Variants in CAMK2B observed in about 807,000 individuals in gnomAD.
CAMK2B encodes the protein calcium/calmodulin-dependent protein kinase type II subunit beta.
Under a neutral mutation model 93.7 loss-of-function variants are expected in CAMK2B, and 27 were observed. The observed-to-expected ratio is 0.29, with a 90% CI of 0.21 to 0.40. CAMK2B has a LOEUF of 0.40. CAMK2B is among the 10% of genes least tolerant of loss of function. The pLI is 1.00. For synonymous variants in CAMK2B, 374 were observed against 358.8 expected, an observed-to-expected ratio of 1.04 and a Z score of -0.48; for missense variants, 568 against 895.8, an observed-to-expected ratio of 0.63 and a Z score of 4.67.
intron 13 of CAMK2B, among the ~76,000 whole-genome samples, chr7:44,236,252 C>T (rs2096625093): frequency 6.6e-6 from 1 of 152,242 alleles, no homozygotes; most frequent in African/African-American, 2.4e-5. Context: ...GGCTCTGGCC[C>T]CTCCTGGGCT....
intron 5 of CAMK2B, among the ~76,000 whole-genome samples, chr7:44,250,197 C>G (rs1402380470): frequency 6.6e-6 from 1 of 152,128 alleles, no homozygotes; most frequent in African/African-American, 2.4e-5. Flanking sequence ...AGGGCAGTCC[C>G]CTGCACTTTA....
Position 44,255,187 on chromosome 7 carries a change from T to A in CAMK2B, c.276-580A>T, listed in dbSNP as rs139091512. On this transcript the variant is annotated intron_variant, in intron 4 of 23. Coordinates refer to ENST00000395749, the MANE Select transcript of CAMK2B (RefSeq NM_001220.5). ...GGGTCTTGAGGTGTTCGAGGTCCCA[T>A]CTCTAGGAAGAGAACAGAGATGACA... Among the ~76,000 whole-genome samples the A allele has an allele frequency of 1.2e-3, 185 of 152,222 alleles. 3 individuals carry two copies. The highest frequency in any genetic ancestry group is 4.3e-3 in the African/African-American group (180 of 41,548).
At chr7:44,221,313 A>G (rs2096402206) in intron 20 of CAMK2B, among the ~76,000 whole-genome samples, 1 of 152,106 alleles carries the variant, frequency 6.6e-6, no homozygotes, top group Non-Finnish European at 1.5e-5. Flanking sequence ...GCTTCCCTGC[A>G]GCTTCCCGGC....
At chr7:44,246,505 G>A (rs565898658) in intron 6 of CAMK2B, among the ~76,000 whole-genome samples, 85 of 151,892 alleles carry the variant, frequency 5.6e-4, no homozygotes, top group South Asian at 1.0e-3. Flanking sequence ...ATATGCATGC[G>A]CATGAACATG....
At chr7:44,290,843 C>CA (rs1422272259) in intron 1 of CAMK2B, among the ~76,000 whole-genome samples, 5 of 152,126 alleles carry the variant, frequency 3.3e-5, no homozygotes, top group Admixed American at 3.3e-4. Context: ...AAACAAAACT[C>CA]ACGTTCACAG....
rs2129118072 is a variant in CAMK2B at position 44,286,508 on chromosome 7, A to T, written c.66-2283T>A. Among the ~76,000 whole-genome samples, 1 of 152,322 alleles carries T rather than the reference A, an allele frequency of 6.6e-6. No homozygotes were observed. Among genetic ancestry groups the T allele is most frequent in the South Asian group, 2.1e-4 (1 of 4,830 alleles). ...CCCAAGCGCAGCTTCCCACCAGCAC[A>T]GCAGGCTCCCAGCTGCTGGCCAGAC... is the stretch of plus-strand genomic sequence containing the variant. On this transcript the variant is annotated intron_variant, in intron 1 of 23. Coordinates refer to ENST00000395749, the MANE Select transcript of CAMK2B (RefSeq NM_001220.5). The surrounding 1 kb of genome is among the most constrained non-coding windows in gnomAD (Gnocchi z 4.0).
chr7:44,290,925 G>A (rs758491611), intron 1 of CAMK2B, among the ~76,000 whole-genome samples: 16 of 152,206 alleles, frequency 1.1e-4, no homozygotes, highest in African/African-American at 3.4e-4. Context: ...AGGGTCTACA[G>A]AATGCGTTGA....
At chr7:44,275,635 TG>T (rs1288508485) in intron 2 of CAMK2B, among the ~76,000 whole-genome samples, 2 of 152,242 alleles carry the variant, frequency 1.3e-5, no homozygotes, top group Non-Finnish European at 2.9e-5. Context: ...TTTAAGTAAG[TG>T]TGTCCCACGC....
intron 11 of CAMK2B, among the ~76,000 whole-genome samples, chr7:44,241,423 G>A (rs1468265612): frequency 6.6e-6 from 1 of 152,226 alleles, no homozygotes; most frequent in African/African-American, 2.4e-5. Flanking sequence ...CCCGGGTGAG[G>A]AGCCCACAGC....
At chr7:44,321,323 A>C (rs1402540748) in intron 1 of CAMK2B, among the ~76,000 whole-genome samples, 1 of 152,068 alleles carries the variant, frequency 6.6e-6, no homozygotes, top group Non-Finnish European at 1.5e-5. Context: ...GGCCACACAC[A>C]CCCCAGGATA....
Position 44,312,494 on chromosome 7 carries a change from G to A in CAMK2B, c.65+12863C>T, listed in dbSNP as rs994385117. 1.3e-5 allele frequency among the ~76,000 whole-genome samples: 2 copies of A among 152,140 alleles called. No individual in the cohort carries two copies. Among genetic ancestry groups the A allele is most frequent in the African/African-American group, 4.8e-5 (2 of 41,430 alleles). On this transcript the variant is annotated intron_variant, in intron 1 of 23. Coordinates refer to ENST00000395749, the MANE Select transcript of CAMK2B (RefSeq NM_001220.5). This position sits in a 1 kb window ranked among gnomAD's most constrained non-coding sequence, Gnocchi z 4.1. ...GGGAGGAAGAGGGAGGGAAGGAGGG[G>A]AGGATGATGAGGCTGGAGAAAGAAA...
At chr7:44,303,414 T>G (rs1475871877) in intron 1 of CAMK2B, among the ~76,000 whole-genome samples, 5 of 152,148 alleles carry the variant, frequency 3.3e-5, no homozygotes, top group African/African-American at 1.2e-4. Context: ...CTAAAGTTTA[T>G]ATGGAGAGTC....
At position 44,325,511 on chromosome 7, in the gene CAMK2B, C is replaced by T; in HGVS notation, c.-90G>A. On this transcript the variant is annotated 5_prime_UTR_variant, in exon 1 of 24. Coordinates refer to ENST00000395749, the MANE Select transcript of CAMK2B (RefSeq NM_001220.5). The stretch of plus-strand genomic sequence containing the variant: ...CTCGCGGGCACGGCGGCGACACGGG[C>T]GCGGGCGCGGGAGACACCTCGGCTC... 2.5e-6 allele frequency: 2 copies of T among 801,496 alleles called. No homozygotes were observed. The highest frequency in any genetic ancestry group is 5.4e-5 in the South Asian group (1 of 18,588). 49.6% of individuals were successfully genotyped at this position (801,496 alleles called of 1,614,324 possible).
intron 2 of CAMK2B, 47 bp downstream of exon 2, chr7:44,284,084 C>G: frequency 5.5e-6 from 8 of 1,444,690 alleles, no homozygotes; most frequent in Non-Finnish European, 7.8e-6. Flanking sequence ...TCCAAAGCCC[C>G]TGCCCCAGCC....
At position 44,242,245 on chromosome 7, in the gene CAMK2B, A is replaced by G. The variant is rs2096686984; in HGVS notation, c.792T>C (p.His264=). The part of the protein sequence containing the change: ...TINPAKRITA[H]EALKHPWVCQ... ...AGACCCACGGGTGCTTCAGGGCCTC[A>G]TGGGCTGTGATGCGCTTGGCAGGGT... Residue 264 remains histidine, a synonymous_variant, in exon 10 of 24, where the codon CAT becomes CAC. Coordinates refer to ENST00000395749, the MANE Select transcript of CAMK2B (RefSeq NM_001220.5). The G allele has an allele frequency of 6.2e-7, 1 of 1,614,038 alleles. No individual in the cohort carries two copies. The highest frequency in any genetic ancestry group is 8.5e-7 in the Non-Finnish European group (1 of 1,179,918).
intron 1 of CAMK2B, among the ~76,000 whole-genome samples, chr7:44,321,280 G>A (rs891920042): frequency 1.3e-5 from 2 of 152,076 alleles, no homozygotes; most frequent in African/African-American, 2.4e-5. Context: ...GAAGGCATCC[G>A]CCAGCTGACA....
chr7:44,229,610 G>C (rs954743917), intron 17 of CAMK2B, 109 bp from the exon 18 acceptor site: 2 of 386,272 alleles, frequency 5.2e-6, no homozygotes, highest in Non-Finnish European at 9.2e-6. Context: ...GTGACAGCTG[G>C]ATACCTGGGG....
intron 20 of CAMK2B, among the ~76,000 whole-genome samples, chr7:44,221,757 G>C (rs1417438603): frequency 6.6e-6 from 1 of 152,214 alleles, no homozygotes; most frequent in African/African-American, 2.4e-5. Flanking sequence ...CAGCCATGCT[G>C]GTCCTCACTG....
rs78795501 is a variant in CAMK2B, at chr7:44,293,984, G to A, written c.66-9759C>T. On this transcript the variant is annotated intron_variant, in intron 1 of 23. Transcript: ENST00000395749. ...CAGCCGGGACCCTCTGGGTCATGCC[G>A]GAGAGCTCAAGGCAAGAATGCCAAC... Among the ~76,000 whole-genome samples, 1,294 of 152,312 alleles carry A rather than the reference G, an allele frequency of 8.5e-3. 22 individuals carry two copies. Among genetic ancestry groups the A allele is most frequent in the African/African-American group, 0.03 (1,234 of 41,550 alleles).
Sources: gnomAD v4.1 joint callset for allele counts (sites outside exome capture counted in the v4.1 genomes callset) on GRCh38, gnomAD v4.1.1 for gene constraint, Gnocchi (gnomAD v3.1) non-coding constraint, MANE v1.5 for transcripts, NCBI Gene and HGNC (gene_info 2026-07-23, HGNC 2026-07-21) for gene names.